LRRC28: variants seen among roughly 807,000 people sequenced by gnomAD.
LRRC28 encodes leucine rich repeat containing 28.
LRRC28 carries 39 observed loss-of-function variants against 45.7 expected under a neutral mutation model. The ratio of observed to expected loss-of-function variants is 0.85; its 90% CI spans 0.66 to 1.12. The LOEUF is 1.12. Ranked by LOEUF, LRRC28 falls within the 50% of genes most tolerant of loss-of-function variation. LRRC28 has a pLI of 0.00. For synonymous variants in LRRC28, 206 were observed against 178.8 expected, an observed-to-expected ratio of 1.15 and a Z score of -1.22; for missense variants, 435 against 438.5, an observed-to-expected ratio of 0.99 and a Z score of 0.07.
rs1336506181 is a variant in LRRC28 at position 99,388,160 on chromosome 15, G to GA, written c.*2062dup. On this transcript the variant is annotated 3_prime_UTR_variant, in exon 10 of 10. Coordinates refer to ENST00000301981, the MANE Select transcript of LRRC28 (RefSeq NM_144598.5). ...TCTACATGTATATAAGTTAGCTGGT[G>GA]AAAATGTGGCATGAAACTTCACAAT... 6.6e-6 allele frequency: 1 copy of GA among 152,224 alleles called. No individual in the cohort carries two copies. Among genetic ancestry groups the GA allele is most frequent in the African/African-American group, 2.4e-5 (1 of 41,454 alleles). 9.4% of individuals were successfully genotyped at this position (152,224 alleles called of 1,614,324 possible).
At position 99,258,913 on chromosome 15, in the gene LRRC28, C is replaced by T. The variant is rs2081108877; in HGVS notation, c.168+2788C>T. On this transcript the variant is annotated intron_variant, in intron 2 of 9. Transcript: ENST00000301981. ...CGATGCCTAAGAACCTGAATTTTGTCAAGGGTGTGGTGGACTCAGGTGGTC... is the reference window on the plus strand; with the variant it reads ...CGATGCCTAAGAACCTGAATTTTGTTAAGGGTGTGGTGGACTCAGGTGGTC... 4.2e-6 allele frequency: 3 copies of T among 721,184 alleles called. No individual in the cohort carries two copies. The African/African-American group carries it at 5.2e-5, about 12-fold the overall frequency. The allele number at this position is 721,184 out of a possible 1,614,324, so 44.7% of individuals were successfully genotyped here. A position where few individuals can be genotyped will look rare whatever the true frequency, so the allele number is the denominator to read the frequency against.
chr15:99,341,873 G>A (rs1051629341), intron 6 of LRRC28, among the ~76,000 whole-genome samples: 20 of 152,174 alleles, frequency 1.3e-4, no homozygotes, highest in Admixed American at 8.5e-4. Context: ...TGACTTAAAA[G>A]CAAGAATCTG....
chr15:99,347,826 C>G (rs541278303), intron 6 of LRRC28, among the ~76,000 whole-genome samples: 31 of 152,128 alleles, frequency 2.0e-4, no homozygotes, highest in Non-Finnish European at 3.5e-4. Context: ...TGTGGTAGTT[C>G]TATTTTTAAT....
At position 99,256,102 on chromosome 15, in the gene LRRC28, A is replaced by G; in HGVS notation, c.145A>G (p.Lys49Glu). The stretch of plus-strand genomic sequence containing the variant: ...GCAGTACTTGGAGAGACTCTATATG[A>G]AAAGGAACTCCCTGACATCCTTGGT... ...GLQYLERLYM[K>E]RNSLTSLPEN... Residue 49 changes from lysine to glutamate, a missense_variant, in exon 2 of 10, where the codon AAA becomes GAA. Transcript: ENST00000301981. The G allele has an allele frequency of 6.2e-7, 1 of 1,610,618 alleles. No individual in the cohort carries two copies. Among genetic ancestry groups the G allele is most frequent in the African/African-American group, 1.3e-5 (1 of 74,754 alleles).
rs563222520 is a variant in LRRC28, at chr15:99,312,849, A to G, written c.386-21074A>G. 3.9e-5 allele frequency among the ~76,000 whole-genome samples: 6 copies of G among 152,334 alleles called. No individual in the cohort carries two copies. The South Asian group carries it at 8.3e-4, about 21-fold the overall frequency. The stretch of plus-strand genomic sequence containing the variant: ...GTTATGTGGTTCATGACTGTATGAG[A>G]TAAAAAATAGAATGGAAAAACAGAG... On this transcript the variant is annotated intron_variant, in intron 5 of 9. Coordinates refer to ENST00000301981, the MANE Select transcript of LRRC28 (RefSeq NM_144598.5).
In LRRC28 at chr15:99,282,177, G is replaced by GTTTTTTTTTTTTTTTTTTTTTTTTTT. The variant is rs766338889; in HGVS notation, c.210-5066_210-5065insTTTTTTTTTTTTTTTTTTTTTTTTTT. Among the ~76,000 whole-genome samples the GTTTTTTTTTTTTTTTTTTTTTTTTTT allele has an allele frequency of 3.8e-3, 375 of 97,982 alleles. 39 individuals carry two copies. Among genetic ancestry groups the GTTTTTTTTTTTTTTTTTTTTTTTTTT allele is most frequent in the Middle Eastern group, 0.016 (2 of 128 alleles). 64.3% of individuals were successfully genotyped at this position (97,982 alleles called of 152,430 possible). ...GGATTCCTTATGCAAATTTTTGGAGGTTTTTTTTTTTTTTGTAGCAGTAGC... is the reference window on the plus strand; with the variant it reads ...GGATTCCTTATGCAAATTTTTGGAGGTTTTTTTTTTTTTTTTTTTTTTTTTTTTTTTTTTTTTTTTGTAGCAGTAGC... On this transcript the variant is annotated intron_variant, in intron 3 of 9. Coordinates refer to ENST00000301981, the MANE Select transcript of LRRC28 (RefSeq NM_144598.5).
chr15:99,318,924 CAAAG>C (rs1028003616), intron 5 of LRRC28, among the ~76,000 whole-genome samples: 1 of 151,824 alleles, frequency 6.6e-6, no homozygotes, highest in African/African-American at 2.4e-5. Flanking sequence ...ATGGGAATTT[CAAAG>C]AAAGAAACTG....
intron 5 of LRRC28, among the ~76,000 whole-genome samples, chr15:99,309,568 C>T (rs1955324230): frequency 6.6e-6 from 1 of 152,136 alleles, no homozygotes; most frequent in Non-Finnish European, 1.5e-5. Flanking sequence ...GCCACCACGC[C>T]TGGCTAATTT....
chr15:99,353,882 G>C (rs1956964027), intron 7 of LRRC28: 2 of 152,184 alleles, frequency 1.3e-5, no homozygotes, highest in Admixed American at 1.3e-4. Flanking sequence ...TTTGTGCTAA[G>C]TAGAGAGATA....
At chr15:99,311,674 A>G (rs958253502) in intron 5 of LRRC28, among the ~76,000 whole-genome samples, 1 of 152,230 alleles carries the variant, frequency 6.6e-6, no homozygotes, top group Non-Finnish European at 1.5e-5. Flanking sequence ...TGATTTAAAA[A>G]TTTTAAAGAG....
chr15:99,353,797 G>A (rs1956961684), intron 7 of LRRC28: 1 of 152,172 alleles, frequency 6.6e-6, no homozygotes, highest in Non-Finnish European at 1.5e-5. Context: ...CCACAATTAA[G>A]GAGTAGCTTT....
Position 99,363,162 on chromosome 15 carries a change from T to G in LRRC28, c.928T>G (p.Cys310Gly). The G allele has an allele frequency of 6.2e-7, 1 of 1,614,058 alleles. No individual in the cohort carries two copies. Among genetic ancestry groups the G allele is most frequent in the Non-Finnish European group, 8.5e-7 (1 of 1,179,902 alleles). The change falls in exon 9 of 10, where the codon TGC (cysteine) becomes GGC (glycine). Residue 310 changes from cysteine to glycine, a missense_variant. Physicochemically the swap from Cys to Gly is radical, Grantham distance 159. Transcript: ENST00000301981. ...LPRSLLELLHCPLGHCHRCSE... is the reference protein window; with the variant it reads ...LPRSLLELLHGPLGHCHRCSE... ...CAGAAGTCTCCTAGAGCTGCTGCAC[T>G]GCCCTCTGGGGCACTGTCATCGGTG...
intron 9 of LRRC28, among the ~76,000 whole-genome samples, chr15:99,368,044 A>G (rs1957387454): frequency 6.6e-6 from 1 of 152,196 alleles, no homozygotes; most frequent in Admixed American, 6.5e-5. Flanking sequence ...TCAGAGTTTT[A>G]GGAGCCATAT....
chr15:99,384,419 A>G (rs1463234776), intron 9 of LRRC28: 2 of 152,182 alleles, frequency 1.3e-5, no homozygotes, highest in African/African-American at 2.4e-5. Context: ...TAGCATAAAT[A>G]TATCTTTATC....
chr15:99,375,816 T>G (rs181020780), intron 9 of LRRC28, among the ~76,000 whole-genome samples: 5 of 152,226 alleles, frequency 3.3e-5, no homozygotes, highest in Non-Finnish European at 7.4e-5. Flanking sequence ...TGATATCACC[T>G]CCTTCATTTT....
At chr15:99,347,088 T>A (rs1185459896) in intron 6 of LRRC28, among the ~76,000 whole-genome samples, 1 of 152,228 alleles carries the variant, frequency 6.6e-6, no homozygotes, top group African/African-American at 2.4e-5. Flanking sequence ...TTAACCATAG[T>A]CTTCATGTTG....
intron 5 of LRRC28, among the ~76,000 whole-genome samples, chr15:99,299,608 C>T (rs11247077): frequency 0.097 from 14,738 of 152,148 alleles, 1,019 homozygotes; most frequent in East Asian, 0.33. Context: ...TTCTGTTCTG[C>T]AAGTAATTTT....
intron 2 of LRRC28, among the ~76,000 whole-genome samples, chr15:99,262,846 T>C (rs1362672389): frequency 2.6e-5 from 4 of 151,524 alleles, no homozygotes; most frequent in Non-Finnish European, 5.9e-5. Flanking sequence ...GATGGGGTCT[T>C]GCTGTGTTGC....
intron 9 of LRRC28, among the ~76,000 whole-genome samples, chr15:99,376,327 A>C (rs780496705): frequency 6.6e-6 from 1 of 152,084 alleles, no homozygotes; most frequent in Non-Finnish European, 1.5e-5. Context: ...GTTTGATTCT[A>C]TTATAGTCAA....
Sources: allele counts gnomAD v4.1 joint callset (sites outside exome capture counted in the v4.1 genomes callset), GRCh38; gene constraint gnomAD v4.1.1; transcripts MANE v1.5; gene names NCBI Gene and HGNC (gene_info 2026-07-23, HGNC 2026-07-21).